The following HPS3 variants were observed in gnomAD, a reference collection of about 807,000 sequenced individuals.
HPS3 encodes BLOC-2 complex member HPS3.
A neutral mutation model predicts 110.9 loss-of-function variants in HPS3; 79 were observed. The ratio of observed to expected loss-of-function variants is 0.71; its 90% CI spans 0.59 to 0.86. HPS3 has a LOEUF of 0.86. Ranked by LOEUF, HPS3 falls within the 40% of genes least tolerant of loss-of-function variation. HPS3 has a pLI of 0.00. For missense variants in HPS3, 1,197 were observed against 1,206.2 expected (o/e 0.99, Z 0.11); for synonymous variants, 428 against 451.0 (o/e 0.95, Z 0.65).
At position 149,173,198 on chromosome 3, in the gene HPS3, C is replaced by G. The variant is rs1725168774; in HGVS notation, c.*976C>G. The G allele has an allele frequency of 6.6e-6, 1 of 152,266 alleles. No individual in the cohort carries two copies. Among genetic ancestry groups the G allele is most frequent in the African/African-American group, 2.4e-5 (1 of 41,446 alleles). The allele number at this position is 152,266 out of a possible 1,614,324, so 9.4% of individuals were successfully genotyped here. A position where few individuals can be genotyped will look rare whatever the true frequency, so the allele number is the denominator to read the frequency against. On this transcript the variant is annotated 3_prime_UTR_variant, in exon 17 of 17. Coordinates refer to ENST00000296051, the MANE Select transcript of HPS3 (RefSeq NM_032383.5). Reference sequence around the variant, plus strand: ...CAGTTCCAGATAACGTCCTTAAGACCATCTGTTCAGGGGTTCACAAAACTC... The same window carrying G: ...CAGTTCCAGATAACGTCCTTAAGACGATCTGTTCAGGGGTTCACAAAACTC...
intron 16 of HPS3, among the ~76,000 whole-genome samples, chr3:149,169,630 C>G (rs912977931): frequency 5.3e-5 from 8 of 152,166 alleles, no homozygotes; most frequent in African/African-American, 1.7e-4. Context: ...TCAGTTATAA[C>G]AAACAAAAAT....
intron 9 of HPS3, among the ~76,000 whole-genome samples, chr3:149,157,944 T>C (rs1054999592): frequency 6.6e-5 from 10 of 152,234 alleles, no homozygotes; most frequent in Non-Finnish European, 4.4e-5. Flanking sequence ...AGGGCTTAGC[T>C]GAAGGACTTT....
chr3:149,154,836 C>T lies in HPS3; in HGVS notation c.1401-271C>T, dbSNP rs575583517. ...TTCCTCTTGATGGGACTTGCCTGTT[C>T]TTTGAACTTACTGCTCATTTGAGAA... is the stretch of plus-strand genomic sequence containing the variant. On this transcript the variant is annotated intron_variant, in intron 7 of 16. Coordinates refer to ENST00000296051, the MANE Select transcript of HPS3 (RefSeq NM_032383.5). Among the ~76,000 whole-genome samples the T allele has an allele frequency of 4.6e-5, 7 of 152,278 alleles. No individual in the cohort carries two copies. In the South Asian group the frequency reaches 1.5e-3, roughly 32 times the overall value.
chr3:149,172,060 T>G, intron 16 of HPS3, 35 bp from the exon 17 acceptor site: 1 of 1,606,494 alleles, frequency 6.2e-7, no homozygotes, highest in Non-Finnish European at 8.5e-7. Flanking sequence ...AAAGACAGAC[T>G]TTCAATTCTA....
Position 149,129,810 on chromosome 3 carries a change from G to A in HPS3, c.87G>A (p.Gly29=). Residue 29 remains glycine (G), a synonymous_variant, in exon 1 of 17, where the codon GGG becomes GGA. Transcript: ENST00000296051. ...KLEPDRFCGG[G]RDALFVAAGC... is the part of the protein sequence containing the mutation. ...AGCCGGACCGGTTCTGTGGCGGGGG[G>A]CGTGACGCGCTTTTCGTGGCGGCGG... The A allele has an allele frequency of 2.5e-6, 4 of 1,607,274 alleles. No homozygotes were observed. Among genetic ancestry groups the A allele is most frequent in the Non-Finnish European group, 3.4e-6 (4 of 1,179,292 alleles).
Position 149,167,212 on chromosome 3 carries a change from C to T in HPS3, c.2768C>T (p.Ala923Val). 6.2e-7 allele frequency: 1 copy of T among 1,613,486 alleles called. No individual in the cohort carries two copies. The highest frequency in any genetic ancestry group is 8.5e-7 in the Non-Finnish European group (1 of 1,179,606). ...TGCCCGGAGGCAGTCATTCCATATG[C>T]TAATCATGAACTGAAAGAAGAGAAC... The part of the protein sequence containing the change: ...ERCPEAVIPY[A>V]NHELKEENRT... The change falls in exon 15 of 17, where the codon GCT (alanine) becomes GTT (valine). Residue 923 changes from alanine to valine, a missense_variant. Ala to Val is a moderately conservative substitution (Grantham distance 64). Coordinates refer to ENST00000296051, the MANE Select transcript of HPS3 (RefSeq NM_032383.5).
intron 1 of HPS3, among the ~76,000 whole-genome samples, chr3:149,134,366 G>A: frequency 6.6e-6 from 1 of 151,576 alleles, no homozygotes; most frequent in Non-Finnish European, 1.5e-5. Context: ...TTTTATATGT[G>A]TGTGTGTGTG....
At chr3:149,164,801 T>C (rs979348921) in intron 14 of HPS3, among the ~76,000 whole-genome samples, 9 of 152,218 alleles carry the variant, frequency 5.9e-5, no homozygotes, top group Non-Finnish European at 1.2e-4. Flanking sequence ...ATCATCTTTG[T>C]GGCATCCTGA....
intron 6 of HPS3, among the ~76,000 whole-genome samples, chr3:149,152,849 T>C (rs757248044): frequency 2.6e-5 from 4 of 152,214 alleles, no homozygotes; most frequent in Non-Finnish European, 4.4e-5. Context: ...AGTTTTCTTA[T>C]TCATTCTACT....
intron 14 of HPS3, among the ~76,000 whole-genome samples, chr3:149,165,385 A>G (rs1463730492): frequency 2.6e-5 from 4 of 152,236 alleles, no homozygotes; most frequent in Non-Finnish European, 5.9e-5. Context: ...AAATATTTTA[A>G]AAGGAAAATA....
intron 10 of HPS3, among the ~76,000 whole-genome samples, chr3:149,159,129 G>C (rs1342041221): frequency 1.3e-5 from 2 of 152,160 alleles, no homozygotes; most frequent in Non-Finnish European, 2.9e-5. Flanking sequence ...CCTCAGTAGA[G>C]CTACACAGAA....
chr3:149,140,538 A>G lies in HPS3; in HGVS notation c.712+40A>G, dbSNP rs775488488. 20 of 1,610,758 alleles carry G rather than the reference A, an allele frequency of 1.2e-5. No homozygotes were observed. In the South Asian group the frequency reaches 2.1e-4, roughly 17 times the overall value. The stretch of plus-strand genomic sequence containing the variant: ...TGACTTGCTTTCTTGTTTTAGGAAT[A>G]TAGAAAACCTTCACCTTTGGCAGTC... On this transcript the variant is annotated intron_variant, in intron 2 of 16. Coordinates refer to ENST00000296051, the MANE Select transcript of HPS3 (RefSeq NM_032383.5).
At chr3:149,167,444 C>T (rs1462086565) in intron 15 of HPS3, among the ~76,000 whole-genome samples, 1 of 108,262 alleles carries the variant, frequency 9.2e-6, no homozygotes, top group Non-Finnish European at 2.3e-5. Flanking sequence ...GGTATATTAT[C>T]ATCATTAAAC....
In HPS3 at chr3:149,162,767, C is replaced by T. The variant is rs746304657; in HGVS notation, c.2370C>T (p.Leu790=). ...GGGAAGCTCAGCTAGTGGCATGTCTCCCAGATGTGGTACTTCAGGAACTCT... is the reference window on the plus strand; with the variant it reads ...GGGAAGCTCAGCTAGTGGCATGTCTTCCAGATGTGGTACTTCAGGAACTCT... ...DFWEAQLVAC[L]PDVVLQELFF... Residue 790 remains leucine, a synonymous_variant, in exon 13 of 17, where the codon CTC becomes CTT. Transcript: ENST00000296051. The T allele has an allele frequency of 1.9e-6, 3 of 1,613,850 alleles. No homozygotes were observed. The highest frequency in any genetic ancestry group is 2.2e-5 in the South Asian group (2 of 91,084).
rs1208963521 is a variant in HPS3 at position 149,153,600 on chromosome 3, C to T, written c.1352C>T (p.Ala451Val). 4.3e-6 allele frequency: 7 copies of T among 1,614,046 alleles called. No individual in the cohort carries two copies. The highest frequency in any genetic ancestry group is 5.9e-6 in the Non-Finnish European group (7 of 1,180,004). The change falls in exon 7 of 17, where the codon GCA becomes GTA. Residue 451 changes from alanine to valine, a missense_variant. Transcript: ENST00000296051. ...FKNHIILLTKAEPEAIPERRQ... is the reference protein window; with the variant it reads ...FKNHIILLTKVEPEAIPERRQ... ...AACCACATCATACTTTTGACTAAAG[C>T]AGAACCTGAAGCCATTCCAGAGAGA...
intron 12 of HPS3, 120 bp from the exon 13 acceptor site, chr3:149,162,570 A>G: frequency 8.6e-7 from 1 of 1,159,162 alleles, no homozygotes; most frequent in Non-Finnish European, 1.3e-6. Context: ...CCATGGCGCT[A>G]ATGCTAATGG....
chr3:149,161,508 CTTTTTTTT>C (rs1203449055), intron 11 of HPS3, among the ~76,000 whole-genome samples: 3 of 104,308 alleles, frequency 2.9e-5, no homozygotes, highest in Non-Finnish European at 3.8e-5. Flanking sequence ...CCCCCACACC[CTTTTTTTT>C]TTTTTTTTTT....
chr3:149,137,136 A>G (rs534252226), intron 1 of HPS3, among the ~76,000 whole-genome samples: 2 of 152,322 alleles, frequency 1.3e-5, no homozygotes, highest in African/African-American at 4.8e-5. Context: ...AACAACCAAA[A>G]AAACTTGATT....
Position 149,167,991 on chromosome 3 carries a change from G to GA in HPS3, c.2887+9dup. The GA allele has an allele frequency of 7.1e-7, 1 of 1,409,448 alleles. No individual in the cohort carries two copies. Among genetic ancestry groups the GA allele is most frequent in the South Asian group, 1.2e-5 (1 of 86,212 alleles). The allele number at this position is 1,409,448 out of a possible 1,614,324, so 87.3% of individuals were successfully genotyped here. On this transcript the variant is annotated intron_variant, in intron 16 of 16. Transcript: ENST00000296051. ...ACCTGTCATCATTAAAAGGTAAAAT[G>GA]ATTTTTTTTTTGCTTGATTATAAAC... is the stretch of plus-strand genomic sequence containing the variant.
Sources: allele counts gnomAD v4.1 joint callset (sites outside exome capture counted in the v4.1 genomes callset), GRCh38; gene constraint gnomAD v4.1.1; transcripts MANE v1.5; gene names NCBI Gene and HGNC (gene_info 2026-07-23, HGNC 2026-07-21).